Variants in ABCA12 observed in about 807,000 individuals in gnomAD.
ABCA12 encodes the protein ATP binding cassette subfamily A member 12, also known as glucosylceramide transporter ABCA12.
In ABCA12, 156 loss-of-function variants were observed where a neutral mutation model predicts 293.5. The observed-to-expected ratio is 0.53, with a 90% CI of 0.47 to 0.61. The LOEUF (loss-of-function observed/expected upper bound fraction) is 0.61, where lower values mean the gene tolerates loss of function less well. ABCA12 is among the 20% of genes least tolerant of loss of function. The probability of loss-of-function intolerance (pLI) is 0.00; values close to 1 mark genes in which losing one functional copy is unlikely to be tolerated. For missense variants in ABCA12, 2,797 were observed against 3,090.2 expected (o/e 0.91, Z 2.25); for synonymous variants, 1,063 against 1,108.0 (o/e 0.96, Z 0.81).
Position 215,102,531 on chromosome 2 carries a change from G to A in ABCA12, c.163+9066C>T, listed in dbSNP as rs190147415. On this transcript the variant is annotated intron_variant, in intron 2 of 52. Coordinates refer to ENST00000272895, the MANE Select transcript of ABCA12 (RefSeq NM_173076.3). The stretch of plus-strand genomic sequence containing the variant: ...GGAGAATTGCTTGAACCCAGGAGGC[G>A]GAGGTTGTGGTGAGCTGAGATTGCA... 2.6e-3 allele frequency among the ~76,000 whole-genome samples: 394 copies of A among 152,252 alleles called. 3 individuals carry two copies. The Middle Eastern group carries it at 0.044, about 17-fold the overall frequency.
chr2:214,983,294 A>G (rs993639363), intron 29 of ABCA12, among the ~76,000 whole-genome samples: 1 of 152,158 alleles, frequency 6.6e-6, no homozygotes, highest in Non-Finnish European at 1.5e-5. Flanking sequence ...TTTGCAGTTG[A>G]AAAAGATCAC....
At chr2:215,134,548 G>GTA (rs372494333) in intron 1 of ABCA12, among the ~76,000 whole-genome samples, 5 of 111,762 alleles carry the variant, frequency 4.5e-5, no homozygotes, top group African/African-American at 1.4e-4. Context: ...ACATATATAC[G>GTA]TATATGTATA....
At chr2:215,061,231 A>AT (rs1222726532) in intron 3 of ABCA12, among the ~76,000 whole-genome samples, 7 of 151,678 alleles carry the variant, frequency 4.6e-5, no homozygotes, top group Non-Finnish European at 5.9e-5. Flanking sequence ...ACAGTGTTGG[A>AT]TTTTTTTTTA....
chr2:215,134,979 T>C (rs1703179562), intron 1 of ABCA12, among the ~76,000 whole-genome samples: 1 of 152,144 alleles, frequency 6.6e-6, no homozygotes, highest in Admixed American at 6.5e-5. Context: ...ATTTTTCTTT[T>C]TTTGAGACAG....
intron 29 of ABCA12, among the ~76,000 whole-genome samples, chr2:214,982,843 T>C (rs1699698424): frequency 6.6e-6 from 1 of 152,090 alleles, no homozygotes; most frequent in South Asian, 2.1e-4. Context: ...CAAGTAAGTT[T>C]TGGTGGTGAT....
chr2:214,995,521 C>G (rs1184634666), intron 23 of ABCA12, among the ~76,000 whole-genome samples: 1 of 152,100 alleles, frequency 6.6e-6, no homozygotes, highest in Admixed American at 6.5e-5. Flanking sequence ...CGTTCTACTG[C>G]CAGATCTACC....
intron 39 of ABCA12, 130 bp downstream of exon 39, chr2:214,966,718 C>T (rs1168391014): frequency 1.2e-6 from 1 of 821,494 alleles, no homozygotes; most frequent in Non-Finnish European, 2.1e-6. Context: ...TTCTAAACTC[C>T]TTTTAAAGAC....
intron 42 of ABCA12, among the ~76,000 whole-genome samples, chr2:214,956,086 T>C (rs1030803239): frequency 2.6e-5 from 4 of 152,226 alleles, no homozygotes; most frequent in African/African-American, 9.6e-5. Flanking sequence ...GGCAATTAAA[T>C]AGATCTAGAG....
chr2:214,953,898 A>T lies in ABCA12; in HGVS notation c.6603T>A (p.Phe2201Leu), dbSNP rs1391806197. The T allele has an allele frequency of 6.2e-7, 1 of 1,614,028 alleles. No individual in the cohort carries two copies. The stretch of plus-strand genomic sequence containing the variant: ...ATTCGTTGATTAAGAGTCGCAAGGA[A>T]AAAAACATGGTGCCCTGAGAAACCA... ...VALVSQGTMF[F>L]SLRLLINESL... Residue 2201 changes from phenylalanine to leucine, a missense_variant, in exon 44 of 53, where the codon TTT (phenylalanine) becomes TTA (leucine). Physicochemically the swap from Phe to Leu is conservative, Grantham distance 22. This residue lies in a region of ABCA12 where 2,130 missense variants were observed against 2,427.0 expected (regional missense o/e 0.88). Coordinates refer to ENST00000272895, the MANE Select transcript of ABCA12 (RefSeq NM_173076.3).
chr2:215,030,849 A>C (rs1165468838), intron 9 of ABCA12, among the ~76,000 whole-genome samples: 1 of 152,242 alleles, frequency 6.6e-6, no homozygotes, highest in Non-Finnish European at 1.5e-5. Context: ...TATTTTAGAA[A>C]AAGAAAAAAA....
At chr2:215,039,239 T>A (rs1280942780) in intron 7 of ABCA12, among the ~76,000 whole-genome samples, 1 of 152,164 alleles carries the variant, frequency 6.6e-6, no homozygotes, top group Admixed American at 6.5e-5. Context: ...TGTAAAAAAA[T>A]GCTGGAGAAA....
intron 2 of ABCA12, among the ~76,000 whole-genome samples, chr2:215,101,576 G>A (rs564112110): frequency 1.3e-5 from 2 of 152,288 alleles, no homozygotes; most frequent in African/African-American, 4.8e-5. Flanking sequence ...TGTGATTTCT[G>A]TATTATTTGC....
intron 20 of ABCA12, among the ~76,000 whole-genome samples, chr2:215,003,914 C>T (rs900839989): frequency 2.0e-5 from 3 of 152,102 alleles, no homozygotes; most frequent in Non-Finnish European, 4.4e-5. Flanking sequence ...GTGATCTGCC[C>T]GTGTCTGCCT....
intron 6 of ABCA12, among the ~76,000 whole-genome samples, chr2:215,047,032 C>T (rs1201969264): frequency 1.3e-5 from 2 of 152,124 alleles, no homozygotes; most frequent in Non-Finnish European, 2.9e-5. Context: ...AATGAGAACA[C>T]ATGGACACAC....
chr2:214,989,810 A>G (rs1245341582), intron 24 of ABCA12, among the ~76,000 whole-genome samples, 189 bp from the exon 25 acceptor site: 1 of 152,244 alleles, frequency 6.6e-6, no homozygotes, highest in Non-Finnish European at 1.5e-5. Context: ...CAGAGAGAAT[A>G]GCAGAAAACA....
chr2:214,961,899 C>T (rs1052849893), intron 39 of ABCA12: 2 of 152,148 alleles, frequency 1.3e-5, no homozygotes, highest in African/African-American at 4.8e-5. Context: ...GTATTGGACT[C>T]TTCGGTCTAC....
intron 7 of ABCA12, chr2:215,044,446 T>C (rs1050616898): frequency 1.3e-5 from 2 of 152,162 alleles, no homozygotes; most frequent in African/African-American, 4.8e-5. Context: ...CCTTCTCCTT[T>C]TACAGATTCA....
intron 1 of ABCA12, among the ~76,000 whole-genome samples, chr2:215,113,645 T>C (rs1226540305): frequency 2.0e-5 from 3 of 152,150 alleles, no homozygotes; most frequent in African/African-American, 4.8e-5. Context: ...TGTTGGAAAA[T>C]TTCTTTGGGA....
rs959647389 is a variant in ABCA12 at position 215,078,029 on chromosome 2, G to A, written c.164-13810C>T. On this transcript the variant is annotated intron_variant, in intron 2 of 52. Coordinates refer to ENST00000272895, the MANE Select transcript of ABCA12 (RefSeq NM_173076.3). The stretch of plus-strand genomic sequence containing the variant: ...ACCTAATTTATTTAAACGATACCAC[G>A]TTTGCTGCCTGTGCAGTCATTGCTT... Among the ~76,000 whole-genome samples the A allele has an allele frequency of 2.6e-5, 4 of 152,264 alleles. 1 individual carries two copies. Among genetic ancestry groups the A allele is most frequent in the Middle Eastern group, 6.8e-3 (2 of 294 alleles).
Sources: allele counts gnomAD v4.1 joint callset (sites outside exome capture counted in the v4.1 genomes callset), GRCh38; gene constraint gnomAD v4.1.1; regional missense constraint gnomAD v4.1.1; transcripts MANE v1.5; gene names NCBI Gene and HGNC (gene_info 2026-07-23, HGNC 2026-07-21).